ADGRA1: variants seen among roughly 807,000 people sequenced by gnomAD.
ADGRA1 encodes the protein G-protein coupled receptor 123.
Under a neutral mutation model 21.3 loss-of-function variants are expected in ADGRA1, and 12 were observed. The ratio of observed to expected loss-of-function variants is 0.56; its 90% CI spans 0.36 to 0.91. The LOEUF is 0.91. Among genes scored for constraint, ADGRA1 ranks in the 40% least tolerant of loss-of-function variants. ADGRA1 has a pLI of 0.01. For synonymous variants in ADGRA1, 385 were observed against 368.8 expected, an observed-to-expected ratio of 1.04 and a Z score of -0.50; for missense variants, 790 against 805.6, an observed-to-expected ratio of 0.98 and a Z score of 0.23.
chr10:133,091,959 G>A (rs951792366), intron 2 of ADGRA1, among the ~76,000 whole-genome samples: 13 of 152,342 alleles, frequency 8.5e-5, no homozygotes, highest in African/African-American at 3.1e-4. Flanking sequence ...GCTGCTCCCC[G>A]AGGCCGGACC....
chr10:133,107,556 C>G (rs1190318826), intron 5 of ADGRA1, among the ~76,000 whole-genome samples: 1 of 152,080 alleles, frequency 6.6e-6, no homozygotes, highest in Non-Finnish European at 1.5e-5. Context: ...TTAGCTTGCT[C>G]TTCTCTTTTC....
At chr10:133,096,501 A>T (rs1591167747) in intron 2 of ADGRA1, among the ~76,000 whole-genome samples, 1 of 152,202 alleles carries the variant, frequency 6.6e-6, no homozygotes, top group East Asian at 1.9e-4. Flanking sequence ...CTCGTACAGA[A>T]TCCTCCCGGA....
chr10:133,108,239 C>T lies in ADGRA1; in HGVS notation c.401+5397C>T, dbSNP rs577462455. 2.0e-5 allele frequency among the ~76,000 whole-genome samples: 3 copies of T among 152,344 alleles called. No homozygotes were observed. The East Asian group carries it at 5.8e-4, about 29-fold the overall frequency. ...GGTTGTGTGTGAATCTGGTCCCTGGCCCCAGAGCTCTGCCTCGGGGCCTCC... is the reference window on the plus strand; with the variant it reads ...GGTTGTGTGTGAATCTGGTCCCTGGTCCCAGAGCTCTGCCTCGGGGCCTCC... On this transcript the variant is annotated intron_variant, in intron 5 of 6. Coordinates refer to ENST00000392607, the MANE Select transcript of ADGRA1 (RefSeq NM_001083909.3).
chr10:133,100,724 C>T (rs1851776590), intron 4 of ADGRA1, among the ~76,000 whole-genome samples: 1 of 152,262 alleles, frequency 6.6e-6, no homozygotes. Flanking sequence ...AGCAAATGTG[C>T]TGAGGGCCTG....
At chr10:133,098,078 A>G (rs1476341329) in intron 3 of ADGRA1, among the ~76,000 whole-genome samples, 1 of 152,176 alleles carries the variant, frequency 6.6e-6, no homozygotes, top group Non-Finnish European at 1.5e-5. Flanking sequence ...CCATGGCCAG[A>G]GTCACAGTGG....
chr10:133,108,639 TAGACTCTGTTGCA>T (rs889487776), intron 5 of ADGRA1, among the ~76,000 whole-genome samples: 4 of 152,110 alleles, frequency 2.6e-5, no homozygotes, highest in Non-Finnish European at 4.4e-5. Context: ...TTCTAGACAC[TAGACTCTGTTGCA>T]AGACTCTGTT....
At chr10:133,100,913 G>A (rs189870466) in intron 4 of ADGRA1, among the ~76,000 whole-genome samples, 12 of 152,340 alleles carry the variant, frequency 7.9e-5, no homozygotes, top group African/African-American at 2.9e-4. Context: ...CTCGGGAAGC[G>A]GAGGCAGGGG....
intron 4 of ADGRA1, chr10:133,102,260 A>G: frequency 2.1e-6 from 1 of 482,342 alleles, no homozygotes; most frequent in Non-Finnish European, 4.2e-6. Flanking sequence ...TGGGGGGCTC[A>G]TCCTACCCAC....
intron 4 of ADGRA1, among the ~76,000 whole-genome samples, chr10:133,101,391 C>T (rs980479056): frequency 6.6e-5 from 10 of 152,354 alleles, no homozygotes; most frequent in Non-Finnish European, 1.5e-4. Flanking sequence ...CAGAGACAGG[C>T]GCTGGCCCTG....
In ADGRA1 at chr10:133,129,264, C is replaced by A; in HGVS notation, c.1436C>A (p.Pro479His). ...LACCTQGDPF[P>H]MVTQPEGSDG... ...TGCTGCACCCAGGGCGACCCCTTCCCCATGGTCACCCAGCCCGAGGGCAGT... is the reference window on the plus strand; with the variant it reads ...TGCTGCACCCAGGGCGACCCCTTCCACATGGTCACCCAGCCCGAGGGCAGT... Residue 479 changes from proline to histidine, a missense_variant, in exon 7 of 7, where the codon CCC (proline) becomes CAC (histidine). By Grantham distance (77) the Pro-to-His change is moderately conservative. Transcript: ENST00000392607. 1.3e-6 allele frequency: 2 copies of A among 1,549,852 alleles called. No individual in the cohort carries two copies. Among genetic ancestry groups the A allele is most frequent in the Non-Finnish European group, 1.7e-6 (2 of 1,147,058 alleles).
At chr10:133,110,434 A>C (rs1313679022) in intron 5 of ADGRA1, among the ~76,000 whole-genome samples, 1 of 151,694 alleles carries the variant, frequency 6.6e-6, no homozygotes, top group African/African-American at 2.4e-5. Flanking sequence ...CCCTGCACAC[A>C]GAGCAGCCTT....
rs560265347 is a variant in ADGRA1, at chr10:133,087,935, G to T, written c.-406G>T. On this transcript the variant is annotated 5_prime_UTR_variant, in exon 1 of 7. Coordinates refer to ENST00000392607, the MANE Select transcript of ADGRA1 (RefSeq NM_001083909.3). ...CGCGGGAGGTGCGCGCAGAGGCGGC[G>T]GCGCTGCTGGCCGGGCTGGGCCGCT... The T allele has an allele frequency of 4.1e-6, 4 of 985,020 alleles. No individual in the cohort carries two copies. The Admixed American group carries it at 2.5e-4, about 61-fold the overall frequency. The allele number at this position is 985,020 out of a possible 1,614,324, so 61.0% of individuals were successfully genotyped here. A position where few individuals can be genotyped will look rare whatever the true frequency, so the allele number is the denominator to read the frequency against.
intron 5 of ADGRA1, among the ~76,000 whole-genome samples, chr10:133,106,163 T>C (rs969454914): frequency 6.6e-6 from 1 of 152,070 alleles, no homozygotes; most frequent in Non-Finnish European, 1.5e-5. Context: ...GATGGGTGTG[T>C]GGCCTGGAGC....
chr10:133,126,598 G>A (rs543407619), intron 5 of ADGRA1, among the ~76,000 whole-genome samples: 1 of 152,322 alleles, frequency 6.6e-6, no homozygotes, highest in South Asian at 2.1e-4. Context: ...GGGACACGCT[G>A]CATCCCGCTT....
intron 1 of ADGRA1, 66 bp from the exon 2 acceptor site, chr10:133,088,642 C>T (rs1359909941): frequency 5.5e-5 from 58 of 1,058,222 alleles, no homozygotes; most frequent in Non-Finnish European, 6.2e-5. Flanking sequence ...CTGGCGGGGT[C>T]GGGGCTGCGA....
At chr10:133,122,968 C>G (rs1385460782) in intron 5 of ADGRA1, among the ~76,000 whole-genome samples, 1 of 152,256 alleles carries the variant, frequency 6.6e-6, no homozygotes, top group Non-Finnish European at 1.5e-5. Flanking sequence ...TTCTTTAAGG[C>G]CCATCCTGTA....
intron 5 of ADGRA1, among the ~76,000 whole-genome samples, chr10:133,109,335 G>A (rs1397116754): frequency 4.6e-5 from 7 of 151,824 alleles, no homozygotes; most frequent in Non-Finnish European, 1.0e-4. Flanking sequence ...TGACCCCAGC[G>A]GGCCTCCAGG....
chr10:133,123,454 C>T (rs1359856953), intron 5 of ADGRA1, among the ~76,000 whole-genome samples: 1 of 152,192 alleles, frequency 6.6e-6, no homozygotes, highest in Non-Finnish European at 1.5e-5. Flanking sequence ...TACCCGTCCT[C>T]ATGCCACATC....
intron 5 of ADGRA1, among the ~76,000 whole-genome samples, chr10:133,126,013 C>T (rs1013395081): frequency 6.6e-6 from 1 of 152,186 alleles, no homozygotes; most frequent in Admixed American, 6.5e-5. Context: ...TATCCTTCAG[C>T]GTTTCTGGTG....
Sources: allele counts gnomAD v4.1 joint callset (sites outside exome capture counted in the v4.1 genomes callset), GRCh38; gene constraint gnomAD v4.1.1; transcripts MANE v1.5; gene names NCBI Gene and HGNC (gene_info 2026-07-23, HGNC 2026-07-21).